Variants in NRXN3 observed in about 807,000 individuals in gnomAD.
NRXN3 encodes neurexin 3.
NRXN3 carries 32 observed loss-of-function variants against 137.6 expected under a neutral mutation model. The ratio of observed to expected loss-of-function variants is 0.23; its 90% CI spans 0.18 to 0.31. The LOEUF (loss-of-function observed/expected upper bound fraction) is 0.31. NRXN3 is among the 10% of genes least tolerant of loss of function. The pLI is 1.00. For synonymous variants in NRXN3, 798 were observed against 784.5 expected, an observed-to-expected ratio of 1.02 and a Z score of -0.29; for missense variants, 1,574 against 2,062.5, an observed-to-expected ratio of 0.76 and a Z score of 4.59.
At chr14:78,776,815 T>C (rs555969126) in intron 8 of NRXN3, among the ~76,000 whole-genome samples, 1 of 152,352 alleles carries the variant, frequency 6.6e-6, no homozygotes, top group South Asian at 2.1e-4. Flanking sequence ...CCAGAGGTTC[T>C]CAAACTTCAG....
At chr14:78,628,427 A>G (rs1185489313) in intron 4 of NRXN3, among the ~76,000 whole-genome samples, 3 of 152,190 alleles carry the variant, frequency 2.0e-5, no homozygotes, top group Non-Finnish European at 4.4e-5. Context: ...ACTTCCTACC[A>G]TAATGTACCT....
chr14:78,746,948 G>T (rs2098610563), intron 8 of NRXN3, among the ~76,000 whole-genome samples: 1 of 152,178 alleles, frequency 6.6e-6, no homozygotes, highest in South Asian at 2.1e-4. Context: ...AAAGTACATG[G>T]ATGCCTGGCT....
At chr14:78,432,826 A>C (rs1025538847) in intron 4 of NRXN3, among the ~76,000 whole-genome samples, 1 of 152,300 alleles carries the variant, frequency 6.6e-6, no homozygotes, top group Non-Finnish European at 1.5e-5. Flanking sequence ...AGGAGTGGAG[A>C]AAACTTAGTG....
intron 15 of NRXN3, among the ~76,000 whole-genome samples, chr14:79,097,255 A>G (rs971290198): frequency 1.3e-5 from 2 of 152,190 alleles, no homozygotes; most frequent in South Asian, 4.1e-4. Flanking sequence ...AAAAAGCACC[A>G]GAAGCAAATT....
chr14:79,834,797 T>G (rs528617850), intron 20 of NRXN3, among the ~76,000 whole-genome samples: 1 of 152,272 alleles, frequency 6.6e-6, no homozygotes, highest in East Asian at 1.9e-4. Flanking sequence ...TGTCTTTTCA[T>G]AGCAGAGGAC....
intron 4 of NRXN3, among the ~76,000 whole-genome samples, chr14:78,322,867 A>C (rs2079554883): frequency 6.6e-6 from 1 of 151,296 alleles, no homozygotes; most frequent in African/African-American, 2.4e-5. Flanking sequence ...GGCCACCTCA[A>C]CTCCTTAGAA....
chr14:78,331,470 C>T (rs1184450301), intron 4 of NRXN3, among the ~76,000 whole-genome samples: 2 of 152,144 alleles, frequency 1.3e-5, no homozygotes, highest in Non-Finnish European at 2.9e-5. Context: ...AAGATGCAAA[C>T]ATGCAAAGCA....
intron 15 of NRXN3, among the ~76,000 whole-genome samples, chr14:79,049,096 T>TAATAATAATTAATA (rs1271852535): frequency 1.2e-5 from 1 of 81,354 alleles, no homozygotes; most frequent in Non-Finnish European, 2.5e-5. Context: ...ATAATAATAA[T>TAATAATAATTAATA]ATGATGGGGT....
At chr14:79,157,698 A>G (rs2153052314) in intron 15 of NRXN3, among the ~76,000 whole-genome samples, 1 of 151,998 alleles carries the variant, frequency 6.6e-6, no homozygotes. Flanking sequence ...TAAGTGACTC[A>G]AAATTCATAT....
At chr14:78,289,329 A>C (rs1285955730) in intron 3 of NRXN3, among the ~76,000 whole-genome samples, 2 of 152,166 alleles carry the variant, frequency 1.3e-5, no homozygotes, top group South Asian at 2.1e-4. Flanking sequence ...TAGCATTCTC[A>C]GGGGATTTCA....
chr14:79,845,275 T>C (rs1028291070), intron 20 of NRXN3, among the ~76,000 whole-genome samples: 1 of 152,244 alleles, frequency 6.6e-6, no homozygotes, highest in African/African-American at 2.4e-5. Flanking sequence ...GGGTATTTAC[T>C]GGAACAACAA....
intron 4 of NRXN3, among the ~76,000 whole-genome samples, chr14:78,623,092 T>C (rs1278163892): frequency 6.6e-6 from 1 of 152,244 alleles, no homozygotes; most frequent in East Asian, 1.9e-4. Flanking sequence ...AGTAATTTGC[T>C]GAAAATCACA....
At chr14:79,464,109 A>G (rs1248086188) in intron 15 of NRXN3, among the ~76,000 whole-genome samples, 2 of 152,194 alleles carry the variant, frequency 1.3e-5, no homozygotes, top group Non-Finnish European at 2.9e-5. Context: ...GTAGAAAGTT[A>G]TAATTGTTAA....
intron 14 of NRXN3, among the ~76,000 whole-genome samples, chr14:78,980,190 C>A (rs1378831961): frequency 6.6e-6 from 1 of 152,172 alleles, no homozygotes. Context: ...TCACCTGGTC[C>A]CCACTCCTGG....
chr14:79,021,735 G>A (rs2099589996), intron 15 of NRXN3, among the ~76,000 whole-genome samples: 1 of 152,180 alleles, frequency 6.6e-6, no homozygotes, highest in Non-Finnish European at 1.5e-5. Context: ...GCTTGGCAGT[G>A]CCTAAACACC....
chr14:79,090,586 T>G (rs1414880116), intron 15 of NRXN3, among the ~76,000 whole-genome samples: 1 of 152,120 alleles, frequency 6.6e-6, no homozygotes. Context: ...CCTTCCCCAG[T>G]GCTTCTGTCA....
Position 79,075,683 on chromosome 14 carries a change from G to A in NRXN3, c.3262+87542G>A, listed in dbSNP as rs10141536. On this transcript the variant is annotated intron_variant, in intron 15 of 20. Transcript: ENST00000335750. The stretch of plus-strand genomic sequence containing the variant: ...TTATACCTGCAATGCTCAAACATAA[G>A]TTGATGCCAAATGCATGCTGTTTGA... 3.6e-3 allele frequency among the ~76,000 whole-genome samples: 549 copies of A among 152,244 alleles called. 2 individuals are homozygous for A. Among genetic ancestry groups the A allele is most frequent in the African/African-American group, 0.013 (534 of 41,538 alleles).
chr14:78,720,932 C>T (rs1191234965), intron 8 of NRXN3, among the ~76,000 whole-genome samples: 1 of 152,138 alleles, frequency 6.6e-6, no homozygotes, highest in Non-Finnish European at 1.5e-5. Context: ...TAGCTCTTTT[C>T]TGTGTCAGGC....
At chr14:78,489,752 G>C (rs1446928650) in intron 4 of NRXN3, among the ~76,000 whole-genome samples, 1 of 152,052 alleles carries the variant, frequency 6.6e-6, no homozygotes, top group Non-Finnish European at 1.5e-5. Flanking sequence ...CAGATGTCAG[G>C]ATTCAGCTGA....
Sources: allele counts gnomAD v4.1 joint callset (sites outside exome capture counted in the v4.1 genomes callset), GRCh38; gene constraint gnomAD v4.1.1; transcripts MANE v1.5; gene names NCBI Gene and HGNC (gene_info 2026-07-23, HGNC 2026-07-21).